Variants in NID2 observed in about 807,000 individuals in gnomAD.
NID2 encodes the protein nidogen 2.
In NID2, 83 loss-of-function variants were observed where a neutral mutation model predicts 145.4. The ratio of observed to expected loss-of-function variants is 0.57; its 90% CI spans 0.48 to 0.69. NID2 has a LOEUF of 0.69. Ranked by LOEUF, NID2 falls within the 30% of genes least tolerant of loss-of-function variation. NID2 has a pLI of 0.00. For missense variants in NID2, 1,807 were observed against 1,765.7 expected (o/e 1.02, Z -0.42); for synonymous variants, 739 against 701.3 (o/e 1.05, Z -0.85).
chr14:52,027,012 T>C (rs1595018538), intron 12 of NID2, among the ~76,000 whole-genome samples, 189 bp downstream of exon 12: 2 of 152,356 alleles, frequency 1.3e-5, no homozygotes, highest in South Asian at 4.1e-4. Context: ...CTCGCCCATC[T>C]AGTCCAGAGG....
chr14:52,043,542 C>A (rs1449229461), intron 5 of NID2, among the ~76,000 whole-genome samples: 2 of 152,178 alleles, frequency 1.3e-5, no homozygotes, highest in Non-Finnish European at 2.9e-5. Context: ...ATGCCCTTGG[C>A]AGGGTTTAAC....
chr14:52,054,716 C>G (rs1010028566), intron 3 of NID2, among the ~76,000 whole-genome samples: 1 of 152,130 alleles, frequency 6.6e-6, no homozygotes, highest in African/African-American at 2.4e-5. Context: ...CTCAAAAAAA[C>G]AAAAAACCTG....
At chr14:52,011,376 C>T (rs957588217) in intron 17 of NID2, among the ~76,000 whole-genome samples, 178 bp downstream of exon 17, 1 of 152,066 alleles carries the variant, frequency 6.6e-6, no homozygotes, top group Non-Finnish European at 1.5e-5. Flanking sequence ...TATTTCATTC[C>T]GTATGTATGA....
intron 2 of NID2, among the ~76,000 whole-genome samples, chr14:52,067,544 A>T (rs1893261270): frequency 1.3e-5 from 2 of 152,222 alleles, no homozygotes; most frequent in South Asian, 4.1e-4. Flanking sequence ...GTATACTTAG[A>T]GATGGTTCTA....
At chr14:52,039,289 G>T (rs1211494850) in intron 8 of NID2, among the ~76,000 whole-genome samples, 1 of 152,202 alleles carries the variant, frequency 6.6e-6, no homozygotes, top group African/African-American at 2.4e-5. Context: ...GCCTGGTGAG[G>T]TGGGCACTAA....
intron 14 of NID2, among the ~76,000 whole-genome samples, chr14:52,017,070 G>C (rs1891235998): frequency 6.6e-6 from 1 of 152,154 alleles, no homozygotes; most frequent in Non-Finnish European, 1.5e-5. Context: ...AGAGGGAAAT[G>C]CTACTTCCTC....
intron 15 of NID2, 79 bp downstream of exon 15, chr14:52,014,975 C>A: frequency 1.7e-6 from 2 of 1,189,564 alleles, no homozygotes; most frequent in South Asian, 1.3e-5. Flanking sequence ...ACATGTCCCC[C>A]CACTTCACCA....
intron 3 of NID2, among the ~76,000 whole-genome samples, chr14:52,057,321 C>A (rs1450832302): frequency 1.3e-5 from 2 of 152,172 alleles, no homozygotes; most frequent in African/African-American, 4.8e-5. Context: ...GGGATTAGAA[C>A]CACCTTGCCC....
At chr14:52,035,364 T>G (rs529961448) in intron 9 of NID2, among the ~76,000 whole-genome samples, 1 of 152,354 alleles carries the variant, frequency 6.6e-6, no homozygotes, top group Admixed American at 6.5e-5. Flanking sequence ...TTAGAATGAT[T>G]CTGTATGTAG....
rs1439521728 is a variant in NID2 at position 52,006,238 on chromosome 14, A to G, written c.4004+299T>C. 4 of 396,898 alleles carry G rather than the reference A, an allele frequency of 1.0e-5. No homozygotes were observed. In the Admixed American group the frequency reaches 1.6e-4, roughly 15 times the overall value. 24.6% of individuals were successfully genotyped at this position (396,898 alleles called of 1,614,324 possible). On this transcript the variant is annotated intron_variant, in intron 20 of 21. Coordinates refer to ENST00000216286, the MANE Select transcript of NID2 (RefSeq NM_007361.4). ...GGTATCAAGGGTAGTCTTATTCTCT[A>G]AAGAACATATTTAGATTAATATGCT...
chr14:52,014,479 G>T, intron 15 of NID2, 23 bp from the exon 16 acceptor site: 1 of 1,586,252 alleles, frequency 6.3e-7, no homozygotes, highest in Non-Finnish European at 8.6e-7. Context: ...GGGTGGGAGA[G>T]CAGGAAGGGG....
intron 5 of NID2, among the ~76,000 whole-genome samples, chr14:52,045,873 C>CG (rs530286798): frequency 9.0e-4 from 120 of 132,964 alleles, no homozygotes; most frequent in African/African-American, 3.5e-3. Context: ...AGCCCTCCCT[C>CG]GGGGGCTTTG....
At chr14:52,052,961 C>T (rs1258651868) in intron 5 of NID2, among the ~76,000 whole-genome samples, 3 of 152,190 alleles carry the variant, frequency 2.0e-5, no homozygotes, top group Middle Eastern at 3.2e-3. Context: ...CCTCTCAGTC[C>T]GATCAGTGGG....
chr14:52,011,676 A>ATG lies in NID2; in HGVS notation c.3426_3427dup (p.Ile1143ThrfsTer2). On this transcript the variant is annotated frameshift_variant, in exon 17 of 22. Coordinates refer to ENST00000216286, the MANE Select transcript of NID2 (RefSeq NM_007361.4). LOFTEE classifies it high-confidence loss of function. ...GCAGTCGTAATCAATTCCCACGATT[A>ATG]TGGAGCCCTTTGTGCATCAAATCAT... The ATG allele has an allele frequency of 6.2e-7, 1 of 1,614,220 alleles. No individual in the cohort carries two copies. The highest frequency in any genetic ancestry group is 1.1e-5 in the South Asian group (1 of 91,092).
At chr14:52,011,502 A>G in intron 17 of NID2, 52 bp downstream of exon 17, 1 of 1,611,296 alleles carries the variant, frequency 6.2e-7, no homozygotes, top group East Asian at 2.2e-5. Context: ...AAAGTAGACA[A>G]GTGACTTTGT....
intron 2 of NID2, among the ~76,000 whole-genome samples, chr14:52,061,461 G>A (rs939028146): frequency 6.6e-6 from 1 of 152,216 alleles, no homozygotes; most frequent in Non-Finnish European, 1.5e-5. Context: ...CAAAAGACAG[G>A]CTTTGCCCAG....
At chr14:52,011,725 T>A in intron 16 of NID2, 42 bp from the exon 17 acceptor site, 9 of 1,611,886 alleles carry the variant, frequency 5.6e-6, no homozygotes, top group Non-Finnish European at 7.6e-6. Flanking sequence ...TTAGGTTACA[T>A]TTCCCCTTTG....
At chr14:52,044,953 A>G (rs1892433729) in intron 5 of NID2, among the ~76,000 whole-genome samples, 1 of 152,138 alleles carries the variant, frequency 6.6e-6, no homozygotes, top group South Asian at 2.1e-4. Context: ...TTTGCAGATA[A>G]AGCTGAGGCA....
At chr14:52,053,479 T>G (rs1047141840) in intron 5 of NID2, 100 bp downstream of exon 5, 2 of 1,320,170 alleles carry the variant, frequency 1.5e-6, no homozygotes, top group Admixed American at 2.3e-5. Flanking sequence ...TTCTTTTTGC[T>G]AAACTTTTCA....
Sources: gnomAD v4.1 joint callset for allele counts (sites outside exome capture counted in the v4.1 genomes callset) on GRCh38, gnomAD v4.1.1 for gene constraint, MANE v1.5 for transcripts, NCBI Gene and HGNC (gene_info 2026-07-23, HGNC 2026-07-21) for gene names.